Variants in LRP1B observed in about 807,000 individuals in gnomAD.
LRP1B encodes the protein low-density lipoprotein receptor-related protein 1B.
In LRP1B, 217 loss-of-function variants were observed where a neutral mutation model predicts 556.6. That is an observed-to-expected ratio of 0.39 (90% CI 0.35 to 0.44). The LOEUF (loss-of-function observed/expected upper bound fraction) is 0.44, where lower values mean the gene tolerates loss of function less well. Among genes scored for constraint, LRP1B ranks in the 20% least tolerant of loss-of-function variants. The probability of loss-of-function intolerance (pLI) is 1.00; values close to 1 mark genes in which losing one functional copy is unlikely to be tolerated. For missense variants in LRP1B, 5,053 were observed against 5,620.8 expected, an observed-to-expected ratio of 0.90 and a Z score of 3.23; for synonymous variants, 2,047 against 1,865.8, an observed-to-expected ratio of 1.10 and a Z score of -2.50.
chr2:141,417,347 A>G (rs1679934354), intron 3 of LRP1B, among the ~76,000 whole-genome samples: 1 of 152,148 alleles, frequency 6.6e-6, no homozygotes, highest in African/African-American at 2.4e-5. Context: ...TTCTTCTGGC[A>G]TGATTATTTC....
At chr2:141,084,048 A>G (rs946334592) in intron 7 of LRP1B, among the ~76,000 whole-genome samples, 2 of 152,244 alleles carry the variant, frequency 1.3e-5, no homozygotes, top group Non-Finnish European at 2.9e-5. Context: ...AGAGAAAATA[A>G]CAATACTTTT....
intron 25 of LRP1B, among the ~76,000 whole-genome samples, chr2:140,872,632 C>A (rs746598591): frequency 1.1e-4 from 17 of 151,626 alleles, no homozygotes; most frequent in Middle Eastern, 3.2e-3. Context: ...CCTTATATAA[C>A]CCTATGATAG....
chr2:140,516,051 G>A (rs1479938501), intron 50 of LRP1B, among the ~76,000 whole-genome samples: 2 of 151,996 alleles, frequency 1.3e-5, no homozygotes, highest in African/African-American at 4.8e-5. Flanking sequence ...GTTTGACAAT[G>A]TAACATGAAA....
At chr2:141,576,379 C>T (rs1395511818) in intron 2 of LRP1B, among the ~76,000 whole-genome samples, 29 of 152,064 alleles carry the variant, frequency 1.9e-4, no homozygotes, top group Admixed American at 1.9e-3. Flanking sequence ...TGTTCTCACT[C>T]ATAAGTGGGT....
chr2:140,932,650 A>G (rs1023663515), intron 20 of LRP1B, among the ~76,000 whole-genome samples: 5 of 151,912 alleles, frequency 3.3e-5, no homozygotes, highest in African/African-American at 1.2e-4. Context: ...AAGTAGGAGG[A>G]TCACTTGAAG....
chr2:140,758,947 T>A lies in LRP1B; in HGVS notation c.5758+10266A>T, dbSNP rs182004156. On this transcript the variant is annotated intron_variant, in intron 35 of 90. Transcript: ENST00000389484. ...GTATTTAGATAACTTTTTATATATG[T>A]TTAGAGCCTTGAATTACTAGACTGG... Among the ~76,000 whole-genome samples, 3 of 152,212 alleles carry A rather than the reference T, an allele frequency of 2.0e-5. No individual in the cohort carries two copies. The East Asian group carries it at 5.8e-4, about 29-fold the overall frequency.
chr2:140,983,613 G>A (rs1466936701), intron 17 of LRP1B, among the ~76,000 whole-genome samples: 2 of 152,064 alleles, frequency 1.3e-5, no homozygotes, highest in Non-Finnish European at 1.5e-5. Flanking sequence ...TGCACTTGCA[G>A]TGTTAAGATG....
chr2:141,577,753 T>C lies in LRP1B; in HGVS notation c.206-97220A>G, dbSNP rs561648665. Among the ~76,000 whole-genome samples the C allele has an allele frequency of 2.6e-5, 4 of 152,310 alleles. No individual in the cohort carries two copies. The South Asian group carries it at 8.3e-4, about 32-fold the overall frequency. On this transcript the variant is annotated intron_variant, in intron 2 of 90. Transcript: ENST00000389484. ...TACATTAATGTATTAAATTGTACTT[T>C]TGTGACTTCAATAAATTCAGTGCTT...
chr2:141,623,739 A>G (rs57660680), intron 2 of LRP1B, among the ~76,000 whole-genome samples: 112,870 of 151,280 alleles, frequency 0.75, 42,718 homozygotes, highest in East Asian at 0.83. Context: ...GATTAGGGCC[A>G]AGCGGGGTGG....
intron 41 of LRP1B, among the ~76,000 whole-genome samples, chr2:140,602,350 A>C (rs1415304566): frequency 6.6e-6 from 1 of 152,100 alleles, no homozygotes; most frequent in Non-Finnish European, 1.5e-5. Flanking sequence ...TTAAAATTGT[A>C]TTCCCAATCT....
At chr2:140,992,351 G>A (rs556926633) in intron 16 of LRP1B, among the ~76,000 whole-genome samples, 23 of 152,188 alleles carry the variant, frequency 1.5e-4, no homozygotes, top group African/African-American at 5.5e-4. Context: ...CAAATGCAAT[G>A]CTTCTTCTAC....
At chr2:140,270,595 C>T (rs72892207) in intron 85 of LRP1B, among the ~76,000 whole-genome samples, 12,588 of 151,906 alleles carry the variant, frequency 0.083, 615 homozygotes, top group East Asian at 0.16. Flanking sequence ...ACATTTTATA[C>T]AGCTAGATAT....
At chr2:140,690,212 T>G (rs1236154921) in intron 41 of LRP1B, among the ~76,000 whole-genome samples, 1 of 151,674 alleles carries the variant, frequency 6.6e-6, no homozygotes, top group African/African-American at 2.4e-5. Context: ...AAAATAACCA[T>G]TATCTTCCAT....
chr2:140,901,149 TG>T (rs561052502), intron 23 of LRP1B, among the ~76,000 whole-genome samples: 138 of 152,116 alleles, frequency 9.1e-4, no homozygotes, highest in African/African-American at 2.8e-3. Context: ...GGGCTCCAGG[TG>T]GGGGAGGGCT....
chr2:141,980,170 T>G lies in LRP1B; in HGVS notation c.82+150478A>C, dbSNP rs569307647. Among the ~76,000 whole-genome samples, 3 of 152,198 alleles carry G rather than the reference T, an allele frequency of 2.0e-5. No homozygotes were observed. In the East Asian group the frequency reaches 5.8e-4, roughly 29 times the overall value. ...ACTCTTGAGTTATTAGCAATGCCCT[T>G]GAGAGATCTAGGAATGTCACTCATT... On this transcript the variant is annotated intron_variant, in intron 1 of 90. Coordinates refer to ENST00000389484, the MANE Select transcript of LRP1B (RefSeq NM_018557.3).
intron 3 of LRP1B, among the ~76,000 whole-genome samples, chr2:141,478,007 G>A (rs1035489843): frequency 1.3e-4 from 20 of 151,074 alleles, no homozygotes; most frequent in Admixed American, 9.9e-4. Flanking sequence ...AAGAAAACTT[G>A]AAACACTTAA....
At position 140,873,546 on chromosome 2, in the gene LRP1B, A is replaced by G. The variant is rs115383802; in HGVS notation, c.4170-5283T>C. ...AGCTTGGAGGTTAGAAACAGGATGG[A>G]GCCAGTTAGTTCAGATATTTTTCAC... On this transcript the variant is annotated intron_variant, in intron 25 of 90. Coordinates refer to ENST00000389484, the MANE Select transcript of LRP1B (RefSeq NM_018557.3). Among the ~76,000 whole-genome samples the G allele has an allele frequency of 2.8e-3, 423 of 152,210 alleles. 2 individuals carry two copies. Among genetic ancestry groups the G allele is most frequent in the Non-Finnish European group, 4.6e-3 (312 of 67,966 alleles).
intron 31 of LRP1B, among the ~76,000 whole-genome samples, chr2:140,830,436 G>T (rs1032478930): frequency 6.6e-6 from 1 of 152,204 alleles, no homozygotes; most frequent in East Asian, 1.9e-4. Context: ...GTGATACAAG[G>T]ATGGTCCAAC....
chr2:142,039,313 G>A (rs1393343666), intron 1 of LRP1B, among the ~76,000 whole-genome samples: 1 of 151,448 alleles, frequency 6.6e-6, no homozygotes, highest in Non-Finnish European at 1.5e-5. Context: ...TAACGTAAGT[G>A]TAAAATAACT....
Sources: gnomAD v4.1 joint callset for allele counts (sites outside exome capture counted in the v4.1 genomes callset) on GRCh38, gnomAD v4.1.1 for gene constraint, MANE v1.5 for transcripts, NCBI Gene and HGNC (gene_info 2026-07-23, HGNC 2026-07-21) for gene names.